Variants in RERE observed in about 807,000 individuals in gnomAD.
The protein encoded by RERE is arginine-glutamic acid dipeptide repeats, also known as arginine-glutamic acid dipeptide repeats protein.
In RERE, 40 loss-of-function variants were observed where a neutral mutation model predicts 146.1. The ratio of observed to expected loss-of-function variants is 0.27; its 90% CI spans 0.21 to 0.36. The LOEUF (loss-of-function observed/expected upper bound fraction) is 0.36. Among genes scored for constraint, RERE ranks in the 10% least tolerant of loss-of-function variants. RERE has a pLI of 1.00. For synonymous variants in RERE, 1,003 were observed against 866.0 expected (o/e 1.16, Z -2.78); for missense variants, 1,933 against 2,138.7 (o/e 0.90, Z 1.90).
At chr1:8,462,577 C>T (rs1225417557) in intron 11 of RERE, among the ~76,000 whole-genome samples, 1 of 152,246 alleles carries the variant, frequency 6.6e-6, no homozygotes, top group Non-Finnish European at 1.5e-5. Context: ...CTGTCCGCTG[C>T]ACAGCAGGGA....
At chr1:8,652,887 A>G (rs1647698876) in intron 2 of RERE, among the ~76,000 whole-genome samples, 1 of 152,160 alleles carries the variant, frequency 6.6e-6, no homozygotes, top group Non-Finnish European at 1.5e-5. Flanking sequence ...ATTTGTAAAA[A>G]TTTCACTACA....
chr1:8,411,306 G>A (rs1156529386), intron 12 of RERE, among the ~76,000 whole-genome samples: 4 of 150,116 alleles, frequency 2.7e-5, no homozygotes, highest in African/African-American at 9.9e-5. Flanking sequence ...AAAGAAATAA[G>A]GGCTTCAAGT....
rs562435166 is a variant in RERE, at chr1:8,608,042, G to T, written c.522+6519C>A. On this transcript the variant is annotated intron_variant, in intron 4 of 22. Transcript: ENST00000400908. ...CACCCAGCCTAACGTTTTTGTTTTT[G>T]TTTTTTTTACTTTCTGTAGAGACAG... 2.2e-4 allele frequency among the ~76,000 whole-genome samples: 33 copies of T among 151,262 alleles called. No homozygotes were observed. The East Asian group carries it at 5.5e-3, about 25-fold the overall frequency.
rs6577519 is a variant in RERE, at chr1:8,754,906, T to C, written c.-145+62254A>G. On this transcript the variant is annotated intron_variant, in intron 1 of 22. Coordinates refer to ENST00000400908, the MANE Select transcript of RERE (RefSeq NM_001042681.2). ...GTTTAACTGGCACTTGTGTATAATA[T>C]AGTAATTCCCCTCTTTCTAGAATTC... 2.6e-3 allele frequency among the ~76,000 whole-genome samples: 403 copies of C among 152,348 alleles called. 3 individuals carry two copies. Among genetic ancestry groups the C allele is most frequent in the African/African-American group, 9.2e-3 (382 of 41,582 alleles).
intron 1 of RERE, among the ~76,000 whole-genome samples, chr1:8,719,834 T>A (rs1352592969): frequency 6.6e-6 from 1 of 152,120 alleles, no homozygotes; most frequent in African/African-American, 2.4e-5. Context: ...CTCTCTACCC[T>A]CCATATAATT....
At chr1:8,746,874 AAAAG>A (rs1396001615) in intron 1 of RERE, among the ~76,000 whole-genome samples, 11 of 149,796 alleles carry the variant, frequency 7.3e-5, no homozygotes, top group African/African-American at 2.5e-4. Flanking sequence ...GGGGGAACAA[AAAAG>A]AGAGAGAGAG....
chr1:8,547,879 AATG>A (rs753940762), intron 6 of RERE, among the ~76,000 whole-genome samples: 6 of 152,252 alleles, frequency 3.9e-5, no homozygotes, highest in Non-Finnish European at 7.3e-5. Flanking sequence ...TGACGTTCCC[AATG>A]ATAAGAAAAT....
At chr1:8,537,236 A>G (rs2124382368) in intron 7 of RERE, among the ~76,000 whole-genome samples, 1 of 152,268 alleles carries the variant, frequency 6.6e-6, no homozygotes, top group South Asian at 2.1e-4. Context: ...TTGTTACTTA[A>G]ATTTCATGGC....
intron 1 of RERE, among the ~76,000 whole-genome samples, chr1:8,814,666 C>G (rs1382690123): frequency 6.6e-6 from 1 of 152,176 alleles, no homozygotes; most frequent in Non-Finnish European, 1.5e-5. Context: ...TACAATTTTA[C>G]TTTCCATAGA....
chr1:8,654,630 GT>G (rs978497523), intron 2 of RERE, among the ~76,000 whole-genome samples: 2 of 140,356 alleles, frequency 1.4e-5, no homozygotes, highest in African/African-American at 5.2e-5. Flanking sequence ...ATCTTGTTTT[GT>G]TTTTTTTTGT....
At chr1:8,605,254 T>C (rs770637014) in intron 4 of RERE, among the ~76,000 whole-genome samples, 1 of 152,176 alleles carries the variant, frequency 6.6e-6, no homozygotes, top group Non-Finnish European at 1.5e-5. Context: ...TGCTTCAGCC[T>C]CCCAAGTAGC....
chr1:8,639,223 G>A lies in RERE; in HGVS notation c.326-14843C>T, dbSNP rs1647143736. ...AGTTAGAGAAACAACACTGAAAAGG[G>A]TGCTGGAAATCCGTACGTTCATGTA... On this transcript the variant is annotated intron_variant, in intron 2 of 22. Transcript: ENST00000400908. Among the ~76,000 whole-genome samples, 3 of 152,136 alleles carry A rather than the reference G, an allele frequency of 2.0e-5. No homozygotes were observed. The South Asian group carries it at 6.2e-4, about 32-fold the overall frequency.
intron 12 of RERE, among the ~76,000 whole-genome samples, chr1:8,375,306 A>G (rs1642195804): frequency 6.6e-6 from 1 of 152,206 alleles, no homozygotes; most frequent in South Asian, 2.1e-4. Context: ...CTGCCTCCTG[A>G]TCTCATCATT....
intron 1 of RERE, among the ~76,000 whole-genome samples, chr1:8,740,153 CAT>C (rs527449919): frequency 7.6e-4 from 116 of 152,296 alleles, no homozygotes; most frequent in Non-Finnish European, 1.5e-3. Context: ...TGTACAATCA[CAT>C]GTTGCTTAAC....
intron 1 of RERE, among the ~76,000 whole-genome samples, chr1:8,665,833 T>C (rs944402522): frequency 6.6e-6 from 1 of 152,164 alleles, no homozygotes; most frequent in African/African-American, 2.4e-5. Context: ...CCAAACTGGA[T>C]ACATCTGAGA....
chr1:8,464,473 T>A (rs1644569208), intron 11 of RERE, among the ~76,000 whole-genome samples: 1 of 152,138 alleles, frequency 6.6e-6, no homozygotes. Context: ...GCGGCCAGTG[T>A]GAGCCCCACT....
chr1:8,784,113 C>T (rs1334868994), intron 1 of RERE, among the ~76,000 whole-genome samples: 1 of 152,228 alleles, frequency 6.6e-6, no homozygotes, highest in Non-Finnish European at 1.5e-5. Context: ...ACTCTACCCC[C>T]TGCTCATTCT....
chr1:8,671,628 C>T (rs1359789452), intron 1 of RERE, among the ~76,000 whole-genome samples: 1 of 152,120 alleles, frequency 6.6e-6, no homozygotes, highest in Non-Finnish European at 1.5e-5. Context: ...AAAGAGTTGT[C>T]AGATTTAAAA....
intron 4 of RERE, among the ~76,000 whole-genome samples, chr1:8,578,872 A>T (rs146837603): frequency 6.6e-6 from 1 of 152,340 alleles, no homozygotes; most frequent in African/African-American, 2.4e-5. Flanking sequence ...TTATATGAAA[A>T]ATAAATACAT....
Sources: allele counts gnomAD v4.1 joint callset (sites outside exome capture counted in the v4.1 genomes callset), GRCh38; gene constraint gnomAD v4.1.1; transcripts MANE v1.5; gene names NCBI Gene and HGNC (gene_info 2026-07-23, HGNC 2026-07-21).